Variants in COL5A1 observed in about 807,000 individuals in gnomAD.
COL5A1 encodes collagen type V alpha 1 chain.
A neutral mutation model predicts 263.7 loss-of-function variants in COL5A1; 16 were observed. That is an observed-to-expected ratio of 0.06 (90% CI 0.04 to 0.09). The LOEUF (loss-of-function observed/expected upper bound fraction) is 0.09, where lower values mean the gene tolerates loss of function less well. Among genes scored for constraint, COL5A1 ranks in the 10% least tolerant of loss-of-function variants. The pLI, the probability that COL5A1 is intolerant of heterozygous loss-of-function variation, is 1.00. For missense variants in COL5A1, 2,036 were observed against 2,540.5 expected, an observed-to-expected ratio of 0.80 and a Z score of 4.27; for synonymous variants, 1,012 against 1,004.5, an observed-to-expected ratio of 1.01 and a Z score of -0.14.
At chr9:134,803,327 TG>T (rs1041755337) in intron 39 of COL5A1, among the ~76,000 whole-genome samples, 20 of 152,258 alleles carry the variant, frequency 1.3e-4, no homozygotes, top group African/African-American at 4.8e-4. Flanking sequence ...TAGCAGAAAG[TG>T]GTCCTTTTAA....
intron 4 of COL5A1, among the ~76,000 whole-genome samples, chr9:134,705,326 G>A (rs930984777): frequency 3.3e-5 from 5 of 152,242 alleles, no homozygotes; most frequent in Admixed American, 6.5e-5. Flanking sequence ...GGGTATAGAC[G>A]CGGAGCCTGA....
intron 65 of COL5A1, among the ~76,000 whole-genome samples, chr9:134,835,462 G>C (rs1162887146): frequency 6.6e-6 from 1 of 152,242 alleles, no homozygotes; most frequent in African/African-American, 2.4e-5. Context: ...AGCCAGGGGC[G>C]TGGGTCCCTC....
chr9:134,674,334 A>G (rs1832628389), intron 1 of COL5A1, among the ~76,000 whole-genome samples: 1 of 152,224 alleles, frequency 6.6e-6, no homozygotes, highest in South Asian at 2.1e-4. Flanking sequence ...GAGTGCCCGA[A>G]CAGGGTGGCA....
chr9:134,764,923 C>G (rs75817940), intron 20 of COL5A1, among the ~76,000 whole-genome samples: 2 of 152,164 alleles, frequency 1.3e-5, no homozygotes, highest in Non-Finnish European at 2.9e-5. Flanking sequence ...TTCTCTTCTA[C>G]AGAATCTGAA....
At chr9:134,740,796 C>T (rs1286234364) in intron 11 of COL5A1, among the ~76,000 whole-genome samples, 2 of 152,152 alleles carry the variant, frequency 1.3e-5, no homozygotes, top group African/African-American at 4.8e-5. Context: ...ACCCAGCTGC[C>T]GTGGAGGAGC....
chr9:134,703,624 C>T (rs1280306840), intron 4 of COL5A1, among the ~76,000 whole-genome samples: 5 of 131,334 alleles, frequency 3.8e-5, no homozygotes, highest in East Asian at 2.3e-4. Context: ...GCGGTGGCCT[C>T]GGGTTTTTTT....
intron 32 of COL5A1, among the ~76,000 whole-genome samples, chr9:134,793,001 C>G (rs1837771691): frequency 6.6e-6 from 1 of 152,158 alleles, no homozygotes; most frequent in South Asian, 2.1e-4. Context: ...CTACCTTCTG[C>G]AGAGCTAGCG....
In COL5A1 at chr9:134,780,098, A is replaced by G; in HGVS notation, c.2386-4A>G. On this transcript the variant is annotated splice_polypyrimidine_tract_variant and splice_region_variant and intron_variant, in intron 27 of 65. Coordinates refer to ENST00000371817, the MANE Select transcript of COL5A1 (RefSeq NM_000093.5). ...CACTCCTTTTTCTTTTCCCACCCGCACAGGGGGCCGATGGCATCCGTGGTC... is the reference window on the plus strand; with the variant it reads ...CACTCCTTTTTCTTTTCCCACCCGCGCAGGGGGCCGATGGCATCCGTGGTC... The G allele has an allele frequency of 1.9e-6, 3 of 1,613,410 alleles. No individual in the cohort carries two copies. The highest frequency in any genetic ancestry group is 8.5e-7 in the Non-Finnish European group (1 of 1,180,008).
rs1835892647 is a variant in COL5A1 at position 134,754,193 on chromosome 9, T to C, written c.1774-80T>C. ...GACAGCCAGGCATGGGCAGGGTCGA[T>C]GAGCACAGGGACAAGGCTTTGCTCT... is the stretch of plus-strand genomic sequence containing the variant. On this transcript the variant is annotated intron_variant, in intron 15 of 65. Coordinates refer to ENST00000371817, the MANE Select transcript of COL5A1 (RefSeq NM_000093.5). This position sits in a 1 kb window ranked among gnomAD's most constrained non-coding sequence, Gnocchi z 4.3. 3 of 1,485,888 alleles carry C rather than the reference T, an allele frequency of 2.0e-6. No individual in the cohort carries two copies. The highest frequency in any genetic ancestry group is 1.7e-4 in the Middle Eastern group (1 of 5,856). 92.0% of individuals were successfully genotyped at this position (1,485,888 alleles called of 1,614,324 possible). A position where few individuals can be genotyped will look rare whatever the true frequency, so the allele number is the denominator to read the frequency against.
chr9:134,815,837 T>C (rs1838725408), intron 51 of COL5A1, 98 bp from the exon 52 acceptor site: 3 of 1,451,672 alleles, frequency 2.1e-6, no homozygotes, highest in Non-Finnish European at 1.9e-6. Context: ...CAGAATGGAT[T>C]TGGGTTTTGG....
chr9:134,781,765 A>T (rs2132763883), intron 28 of COL5A1, among the ~76,000 whole-genome samples: 1 of 152,298 alleles, frequency 6.6e-6, no homozygotes, highest in South Asian at 2.1e-4. Flanking sequence ...CACTATGTGA[A>T]CACTGTGAAC....
intron 4 of COL5A1, among the ~76,000 whole-genome samples, chr9:134,723,130 C>A (rs1250535493): frequency 6.6e-6 from 1 of 152,170 alleles, no homozygotes. Flanking sequence ...TCACCCAGTG[C>A]CCTCCTCAGC....
intron 4 of COL5A1, among the ~76,000 whole-genome samples, chr9:134,702,206 G>A (rs949170647): frequency 2.6e-5 from 4 of 152,162 alleles, no homozygotes; most frequent in Admixed American, 6.5e-5. Flanking sequence ...CTTCCTTGTC[G>A]TTTATGTAAG....
At chr9:134,805,467 C>T (rs957001085) in intron 41 of COL5A1, among the ~76,000 whole-genome samples, 1 of 152,168 alleles carries the variant, frequency 6.6e-6, no homozygotes, top group East Asian at 1.9e-4. Flanking sequence ...GGAGGAGCCA[C>T]TCTGTGTTGC....
chr9:134,758,167 CACTTGGTGG>C lies in COL5A1; in HGVS notation c.1882-73_1882-65del. ...ACGTGGTCCAAGGCGGGGCGGCCAT[CACTTGGTGG>C]ACACCAAGGCGGGGTGTCCACGTGT... On this transcript the variant is annotated intron_variant, in intron 17 of 65. Transcript: ENST00000371817. This position sits in a 1 kb window ranked among gnomAD's most constrained non-coding sequence, Gnocchi z 4.1. The C allele has an allele frequency of 6.7e-7, 1 of 1,495,448 alleles. No individual in the cohort carries two copies. 92.6% of individuals were successfully genotyped at this position (1,495,448 alleles called of 1,614,324 possible). A position where few individuals can be genotyped will look rare whatever the true frequency, so the allele number is the denominator to read the frequency against.
Position 134,795,978 on chromosome 9 carries a change from C to T in COL5A1, c.2800-396C>T, listed in dbSNP as rs561290684. Reference sequence around the variant, plus strand: ...GCTCTGGGGCACTTCTCGTGTGCCCCGTGACCTGACCTGAGGCTCACCTAT... The same window carrying T: ...GCTCTGGGGCACTTCTCGTGTGCCCTGTGACCTGACCTGAGGCTCACCTAT... On this transcript the variant is annotated intron_variant, in intron 34 of 65. Coordinates refer to ENST00000371817, the MANE Select transcript of COL5A1 (RefSeq NM_000093.5). Among the ~76,000 whole-genome samples the T allele has an allele frequency of 1.7e-3, 264 of 152,352 alleles. 1 individual carries two copies. The highest frequency in any genetic ancestry group is 2.1e-3 in the African/African-American group (87 of 41,586).
chr9:134,802,698 G>A (rs973041282), intron 38 of COL5A1, among the ~76,000 whole-genome samples, 190 bp from the exon 39 acceptor site: 1 of 152,224 alleles, frequency 6.6e-6, no homozygotes, highest in East Asian at 1.9e-4. Context: ...CAGGCAGTGA[G>A]CAGCGTACCA....
intron 4 of COL5A1, among the ~76,000 whole-genome samples, chr9:134,704,290 C>A (rs535752614): frequency 3.3e-5 from 5 of 152,070 alleles, no homozygotes; most frequent in Admixed American, 3.3e-4. Flanking sequence ...TAATAGTACC[C>A]GCCGCAGTTT....
At chr9:134,780,064 G>A in intron 27 of COL5A1, 38 bp from the exon 28 acceptor site, 1 of 1,612,564 alleles carries the variant, frequency 6.2e-7, no homozygotes, top group Non-Finnish European at 8.5e-7. Flanking sequence ...GCTGAGACTT[G>A]TAACCATTCA....
Sources: allele counts gnomAD v4.1 joint callset (sites outside exome capture counted in the v4.1 genomes callset), GRCh38; gene constraint gnomAD v4.1.1; non-coding constraint Gnocchi (gnomAD v3.1); transcripts MANE v1.5; gene names NCBI Gene and HGNC (gene_info 2026-07-23, HGNC 2026-07-21).